The following IGF2BP2 variants were observed in gnomAD, a reference collection of about 807,000 sequenced individuals.
IGF2BP2 encodes insulin like growth factor 2 mRNA binding protein 2, also known as insulin-like growth factor 2 mRNA-binding protein 2.
Under a neutral mutation model 75.8 loss-of-function variants are expected in IGF2BP2, and 17 were observed. That is an observed-to-expected ratio of 0.22 (90% confidence interval 0.15 to 0.34). The LOEUF is 0.34. Among genes scored for constraint, IGF2BP2 ranks in the 10% least tolerant of loss-of-function variants. The pLI is 1.00. For synonymous variants in IGF2BP2, 288 were observed against 295.6 expected (o/e 0.97, Z 0.26); for missense variants, 516 against 772.4 (o/e 0.67, Z 3.93).
chr3:185,768,207 A>G (rs1411491603), intron 2 of IGF2BP2, among the ~76,000 whole-genome samples: 2 of 152,128 alleles, frequency 1.3e-5, no homozygotes, highest in Admixed American at 6.5e-5. Context: ...TTAGCTCTTT[A>G]CCTCCTACAG....
intron 2 of IGF2BP2, among the ~76,000 whole-genome samples, chr3:185,734,214 G>C (rs910893006): frequency 3.9e-5 from 6 of 152,306 alleles, no homozygotes; most frequent in Non-Finnish European, 5.9e-5. Flanking sequence ...AGTTACATAG[G>C]TGAAACGTGT....
chr3:185,726,923 A>T (rs1022488449), intron 2 of IGF2BP2, among the ~76,000 whole-genome samples: 11 of 152,226 alleles, frequency 7.2e-5, no homozygotes, highest in Non-Finnish European at 1.2e-4. Flanking sequence ...GAAACAACAG[A>T]AGAAATTACA....
chr3:185,656,284 C>A (rs1412762843), intron 12 of IGF2BP2, among the ~76,000 whole-genome samples: 5 of 152,270 alleles, frequency 3.3e-5, no homozygotes, highest in South Asian at 2.1e-4. Context: ...GCCCCCACAC[C>A]TCAGGGCTCT....
At chr3:185,804,924 C>T (rs986451324) in intron 2 of IGF2BP2, among the ~76,000 whole-genome samples, 59 of 150,348 alleles carry the variant, frequency 3.9e-4, no homozygotes, top group African/African-American at 1.3e-3. Context: ...ACCAGGGAGG[C>T]GGAGCTTGCA....
At chr3:185,720,397 T>C (rs1726340601) in intron 2 of IGF2BP2, among the ~76,000 whole-genome samples, 1 of 152,162 alleles carries the variant, frequency 6.6e-6, no homozygotes, top group Non-Finnish European at 1.5e-5. Context: ...CAGGCTGGAG[T>C]GTAATGGTGC....
At chr3:185,783,979 A>T (rs572532657) in intron 2 of IGF2BP2, among the ~76,000 whole-genome samples, 75 of 152,362 alleles carry the variant, frequency 4.9e-4, no homozygotes, top group Non-Finnish European at 8.1e-4. Context: ...TCACGTCAGT[A>T]ATCCCAGCCC....
At chr3:185,706,392 G>A (rs1238146143) in intron 2 of IGF2BP2, among the ~76,000 whole-genome samples, 1 of 152,232 alleles carries the variant, frequency 6.6e-6, no homozygotes, top group South Asian at 2.1e-4. Flanking sequence ...ACCGAGTACC[G>A]AGTGAGACCC....
At chr3:185,799,364 C>A (rs780994465) in intron 2 of IGF2BP2, among the ~76,000 whole-genome samples, 23 of 152,096 alleles carry the variant, frequency 1.5e-4, no homozygotes, top group Non-Finnish European at 3.2e-4. Flanking sequence ...TGCACCACTG[C>A]CTTCCATCCC....
chr3:185,669,197 T>C (rs1718133398), intron 10 of IGF2BP2, among the ~76,000 whole-genome samples: 3 of 152,326 alleles, frequency 2.0e-5, no homozygotes, highest in Middle Eastern at 3.4e-3. Context: ...ATCAAAATTA[T>C]ATACTATGTA....
chr3:185,787,460 C>T (rs1431862352), intron 2 of IGF2BP2, among the ~76,000 whole-genome samples: 8 of 152,172 alleles, frequency 5.3e-5, no homozygotes, highest in African/African-American at 9.7e-5. Flanking sequence ...AGGCCGGGCG[C>T]GGCGGCTCAC....
chr3:185,735,475 T>C (rs183069655), intron 2 of IGF2BP2, among the ~76,000 whole-genome samples: 1 of 152,344 alleles, frequency 6.6e-6, no homozygotes, highest in East Asian at 1.9e-4. Context: ...TGCACAGCAA[T>C]TATGTCTATC....
intron 2 of IGF2BP2, among the ~76,000 whole-genome samples, chr3:185,774,445 A>G (rs1734272082): frequency 6.6e-6 from 1 of 151,940 alleles, no homozygotes; most frequent in Non-Finnish European, 1.5e-5. Flanking sequence ...AATACAAAAA[A>G]TTAGCCAGGC....
At chr3:185,691,321 C>G (rs1577986516) in intron 5 of IGF2BP2, among the ~76,000 whole-genome samples, 1 of 152,158 alleles carries the variant, frequency 6.6e-6, no homozygotes, top group Non-Finnish European at 1.5e-5. Context: ...TGGTCTCGAT[C>G]TCCCAGCCTC....
At chr3:185,678,343 G>A (rs1194675624) in intron 7 of IGF2BP2, among the ~76,000 whole-genome samples, 1 of 152,192 alleles carries the variant, frequency 6.6e-6, no homozygotes, top group African/African-American at 2.4e-5. Context: ...GACACCATGT[G>A]TGGTAAAACT....
chr3:185,774,725 C>T (rs751855098), intron 2 of IGF2BP2, among the ~76,000 whole-genome samples: 4 of 151,942 alleles, frequency 2.6e-5, no homozygotes, highest in African/African-American at 4.8e-5. Flanking sequence ...CGGCTGGGGA[C>T]GGGCGTGGTG....
In IGF2BP2 at chr3:185,796,037, T is replaced by C. The variant is rs1215156174; in HGVS notation, c.239+27116A>G. On this transcript the variant is annotated intron_variant, in intron 2 of 15. Coordinates refer to ENST00000382199, the MANE Select transcript of IGF2BP2 (RefSeq NM_006548.6). ...ACTGAGGAGGATAACTTTCTAGTAA[T>C]ATCCAACATTAACACAGGACATACT... 5.9e-5 allele frequency among the ~76,000 whole-genome samples: 9 copies of C among 152,212 alleles called. No individual in the cohort carries two copies. In the East Asian group the frequency reaches 1.5e-3, roughly 26 times the overall value.
chr3:185,673,293 C>A (rs1718810588), intron 9 of IGF2BP2, among the ~76,000 whole-genome samples: 1 of 152,166 alleles, frequency 6.6e-6, no homozygotes, highest in Non-Finnish European at 1.5e-5. Flanking sequence ...GTTCTCAGTG[C>A]CTGGTATATA....
rs537350510 is a variant in IGF2BP2 at position 185,753,398 on chromosome 3, G to C, written c.240-55051C>G. Among the ~76,000 whole-genome samples, 219 of 152,194 alleles carry C rather than the reference G, an allele frequency of 1.4e-3. 2 individuals carry two copies. Among genetic ancestry groups the C allele is most frequent in the Non-Finnish European group, 2.4e-3 (161 of 67,996 alleles). ...TCATCTTGGGAGAACCAACGTTACA[G>C]GGAAAGATGCAGAAAAGATGATATA... On this transcript the variant is annotated intron_variant, in intron 2 of 15. Transcript: ENST00000382199.
intron 6 of IGF2BP2, among the ~76,000 whole-genome samples, chr3:185,688,404 G>A (rs1329965852): frequency 1.3e-5 from 2 of 152,130 alleles, no homozygotes; most frequent in Non-Finnish European, 2.9e-5. Flanking sequence ...GTGCAGTGGC[G>A]CCATCTCGGC....
Sources: allele counts gnomAD v4.1 joint callset (sites outside exome capture counted in the v4.1 genomes callset), GRCh38; gene constraint gnomAD v4.1.1; transcripts MANE v1.5; gene names NCBI Gene and HGNC (gene_info 2026-07-23, HGNC 2026-07-21).